The following STK39 variants were observed in gnomAD, a reference collection of about 807,000 sequenced individuals.
STK39 encodes serine/threonine kinase 39.
Under a neutral mutation model 77.8 loss-of-function variants are expected in STK39, and 20 were observed. That is an observed-to-expected ratio of 0.26 (90% CI 0.18 to 0.37). The LOEUF (loss-of-function observed/expected upper bound fraction) is 0.37. Ranked by LOEUF, STK39 falls within the 10% of genes least tolerant of loss-of-function variation. The pLI, the probability that STK39 is intolerant of heterozygous loss-of-function variation, is 1.00. For missense variants in STK39, 479 were observed against 656.5 expected (o/e 0.73, Z 2.95); for synonymous variants, 246 against 234.1 (o/e 1.05, Z -0.47).
intron 17 of STK39, among the ~76,000 whole-genome samples, chr2:167,960,345 T>C (rs1047003957): frequency 9.9e-5 from 14 of 140,816 alleles, no homozygotes; most frequent in African/African-American, 3.1e-4. Flanking sequence ...TCCAACTCAA[T>C]ATATGTGCTA....
At chr2:168,052,404 T>C (rs1163058794) in intron 14 of STK39, among the ~76,000 whole-genome samples, 1 of 152,210 alleles carries the variant, frequency 6.6e-6, no homozygotes, top group South Asian at 2.1e-4. Flanking sequence ...CATTTTTGTC[T>C]TAACAGAAAA....
Position 168,182,028 on chromosome 2 carries a change from T to C in STK39, c.271A>G (p.Ile91Val), listed in dbSNP as rs758605523. Residue 91 changes from isoleucine to valine, a missense_variant, in exon 2 of 18, where the codon ATA becomes GTA. By Grantham distance (29) the Ile-to-Val change is conservative (BLOSUM62 3). This residue lies in a region of STK39 where 139 missense variants were observed against 280.6 expected (regional missense o/e 0.50). Coordinates refer to ENST00000355999, the MANE Select transcript of STK39 (RefSeq NM_013233.3). Reference sequence around the variant, plus strand: ...CATTTTTCCAAGTTGATCCGTTTTATTGCTACACGTTCTTGCCTGGGTTTG... The same window carrying C: ...CATTTTTCCAAGTTGATCCGTTTTACTGCTACACGTTCTTGCCTGGGTTTG... ...LCKPRQERVA[I>V]KRINLEKCQT... 3 of 1,614,060 alleles carry C rather than the reference T, an allele frequency of 1.9e-6. No individual in the cohort carries two copies. The highest frequency in any genetic ancestry group is 4.5e-5 in the East Asian group (2 of 44,876).
intron 10 of STK39, among the ~76,000 whole-genome samples, chr2:168,082,013 G>A (rs961340973): frequency 2.6e-5 from 4 of 152,198 alleles, no homozygotes; most frequent in Admixed American, 6.5e-5. Context: ...TTTATCAGCA[G>A]CGCAAAAACA....
chr2:168,093,863 C>T (rs1686591942), intron 10 of STK39, among the ~76,000 whole-genome samples: 1 of 152,214 alleles, frequency 6.6e-6, no homozygotes, highest in South Asian at 2.1e-4. Flanking sequence ...GCCCAATCTC[C>T]TCATCAAGAC....
intron 1 of STK39, among the ~76,000 whole-genome samples, chr2:168,242,560 AATATATATATATATATATAT>A (rs59941306): frequency 2.2e-5 from 1 of 44,866 alleles, no homozygotes; most frequent in Non-Finnish European, 4.1e-5. Context: ...AAAAAAAAAA[AATATATATATATATATATAT>A]ATATATATAT....
intron 2 of STK39, among the ~76,000 whole-genome samples, chr2:168,172,783 G>A (rs1166777491): frequency 6.6e-6 from 1 of 152,124 alleles, no homozygotes; most frequent in Non-Finnish European, 1.5e-5. Context: ...GATAATGATG[G>A]CAAAATATCC....
intron 16 of STK39, among the ~76,000 whole-genome samples, chr2:167,975,184 G>A (rs1263647761): frequency 2.0e-5 from 3 of 152,040 alleles, no homozygotes; most frequent in Non-Finnish European, 4.4e-5. Flanking sequence ...GACTCATCAT[G>A]GAAAAGACAA....
intron 14 of STK39, among the ~76,000 whole-genome samples, chr2:168,018,477 A>G (rs1684471501): frequency 6.6e-6 from 1 of 150,758 alleles, no homozygotes; most frequent in African/African-American, 2.4e-5. Flanking sequence ...TGGGTGGCAG[A>G]GCAAGAGTTC....
chr2:168,042,577 C>CT lies in STK39; in HGVS notation c.1376+20922dup, dbSNP rs540413448. On this transcript the variant is annotated intron_variant, in intron 14 of 17. Coordinates refer to ENST00000355999, the MANE Select transcript of STK39 (RefSeq NM_013233.3). The stretch of plus-strand genomic sequence containing the variant: ...GATCTTAATTCTATCTTCCTTCCTT[C>CT]TTTTTTTTTTTTTTTTTTCTTGAGA... Among the ~76,000 whole-genome samples the CT allele has an allele frequency of 3.7e-3, 494 of 133,012 alleles. 4 individuals carry two copies. Among genetic ancestry groups the CT allele is most frequent in the African/African-American group, 9.9e-3 (358 of 36,148 alleles). The allele number at this position is 133,012 out of a possible 152,430, so 87.3% of individuals were successfully genotyped here. A position where few individuals can be genotyped will look rare whatever the true frequency, so the allele number is the denominator to read the frequency against.
intron 8 of STK39, among the ~76,000 whole-genome samples, chr2:168,133,285 ACTC>A (rs1401244355): frequency 6.6e-6 from 1 of 151,396 alleles, no homozygotes; most frequent in Non-Finnish European, 1.5e-5. Context: ...TGCAAAGAAA[ACTC>A]CTTTCTCTGC....
chr2:167,971,118 C>A (rs956496481), intron 16 of STK39, among the ~76,000 whole-genome samples: 1 of 152,184 alleles, frequency 6.6e-6, no homozygotes, highest in Non-Finnish European at 1.5e-5. Flanking sequence ...GCAGGACCCA[C>A]TTGTATCCAC....
chr2:168,040,016 T>C (rs1685062565), intron 14 of STK39, among the ~76,000 whole-genome samples: 1 of 152,078 alleles, frequency 6.6e-6, no homozygotes, highest in Non-Finnish European at 1.5e-5. Context: ...TACCCTACTC[T>C]AGGTAGAACT....
intron 16 of STK39, among the ~76,000 whole-genome samples, chr2:167,998,846 C>T (rs1023271510): frequency 1.3e-5 from 2 of 152,200 alleles, no homozygotes; most frequent in Non-Finnish European, 2.9e-5. Flanking sequence ...ATTTGCTTGT[C>T]TATCTGTGGT....
chr2:168,201,250 A>C (rs1456093365), intron 1 of STK39, among the ~76,000 whole-genome samples: 1 of 152,250 alleles, frequency 6.6e-6, no homozygotes, highest in Non-Finnish European at 1.5e-5. Flanking sequence ...TTAAATATTT[A>C]AATTCGCAGC....
At chr2:167,983,983 T>A (rs1179675705) in intron 16 of STK39, among the ~76,000 whole-genome samples, 1 of 152,156 alleles carries the variant, frequency 6.6e-6, no homozygotes. Flanking sequence ...ATGTGGCCCC[T>A]CTGTGCTGGG....
At chr2:168,102,866 C>T (rs1302645536) in intron 10 of STK39, among the ~76,000 whole-genome samples, 1 of 132,418 alleles carries the variant, frequency 7.6e-6, no homozygotes, top group Non-Finnish European at 1.5e-5. Context: ...GGAGGCGGAG[C>T]TTGTAGTGAG....
intron 14 of STK39, among the ~76,000 whole-genome samples, chr2:168,057,747 A>G (rs528268720): frequency 4.7e-4 from 71 of 152,224 alleles, no homozygotes; most frequent in Non-Finnish European, 5.6e-4. Flanking sequence ...TCAACTAATG[A>G]CATTCCCTGT....
At chr2:168,199,981 T>G (rs1316352228) in intron 1 of STK39, among the ~76,000 whole-genome samples, 2 of 152,218 alleles carry the variant, frequency 1.3e-5, no homozygotes, top group Non-Finnish European at 2.9e-5. Context: ...ATCTGGGCTA[T>G]AAGAGTATCT....
At chr2:168,114,250 C>A (rs1279455884) in intron 10 of STK39, among the ~76,000 whole-genome samples, 1 of 152,040 alleles carries the variant, frequency 6.6e-6, no homozygotes, top group Non-Finnish European at 1.5e-5. Flanking sequence ...GAAGGAAGAA[C>A]GAAAGAGCAG....
Sources: allele counts gnomAD v4.1 joint callset (sites outside exome capture counted in the v4.1 genomes callset), GRCh38; gene constraint gnomAD v4.1.1; regional missense constraint gnomAD v4.1.1; transcripts MANE v1.5; gene names NCBI Gene and HGNC (gene_info 2026-07-23, HGNC 2026-07-21).